LIMK2: variants seen among roughly 807,000 people sequenced by gnomAD.
LIMK2 encodes LIM domain kinase 2.
In LIMK2, 35 loss-of-function variants were observed where a neutral mutation model predicts 75.7. That is an observed-to-expected ratio of 0.46 (90% CI 0.35 to 0.61). The LOEUF is 0.61. Among genes scored for constraint, LIMK2 ranks in the 20% least tolerant of loss-of-function variants. The pLI is 0.00. For missense variants in LIMK2, 623 were observed against 831.0 expected (o/e 0.75, Z 3.08); for synonymous variants, 301 against 319.2 (o/e 0.94, Z 0.61).
chr22:31,249,327 G>A (rs1236679557), intron 2 of LIMK2, among the ~76,000 whole-genome samples: 2 of 152,196 alleles, frequency 1.3e-5, no homozygotes, highest in Admixed American at 6.5e-5. Flanking sequence ...GAATGTAGTT[G>A]CTGGGGAAAG....
chr22:31,217,720 A>C (rs928645611), intron 1 of LIMK2, among the ~76,000 whole-genome samples: 5 of 152,148 alleles, frequency 3.3e-5, no homozygotes, highest in Admixed American at 2.0e-4. Flanking sequence ...GAAAATGCCT[A>C]CTCATTCACA....
At chr22:31,224,549 A>G (rs529702116) in intron 1 of LIMK2, among the ~76,000 whole-genome samples, 1 of 152,342 alleles carries the variant, frequency 6.6e-6, no homozygotes, top group Admixed American at 6.5e-5. Flanking sequence ...CCATTAAGTG[A>G]ATATAATAAT....
chr22:31,264,158 A>G (rs979056913), intron 7 of LIMK2, among the ~76,000 whole-genome samples: 1 of 152,168 alleles, frequency 6.6e-6, no homozygotes, highest in Non-Finnish European at 1.5e-5. Flanking sequence ...AGTGGGAGGC[A>G]GGGCAACAGA....
chr22:31,278,388 T>C lies in LIMK2; in HGVS notation c.1864T>C (p.Leu622=). 2 of 1,613,746 alleles carry C rather than the reference T, an allele frequency of 1.2e-6. No homozygotes were observed. The highest frequency in any genetic ancestry group is 1.7e-6 in the Non-Finnish European group (2 of 1,179,896). ...CCCGCTGCCTGCAGAGCTGGAGGAG[T>C]TGGACCACACTGTGAGCATGCAGTA... ...GIPLPAELEE[L]DHTVSMQYGL... The change falls in exon 16 of 16, where the codon TTG becomes CTG. Residue 622 remains leucine (L), a synonymous_variant. Transcript: ENST00000331728.
chr22:31,212,636 G>C (rs945705481), intron 1 of LIMK2, among the ~76,000 whole-genome samples: 4 of 152,184 alleles, frequency 2.6e-5, no homozygotes, highest in Admixed American at 6.5e-5. Context: ...GGGCATCCTG[G>C]AGACAGAGGG....
At chr22:31,246,572 A>G (rs1466096518) in intron 2 of LIMK2, among the ~76,000 whole-genome samples, 9 of 151,880 alleles carry the variant, frequency 5.9e-5, no homozygotes, top group African/African-American at 1.9e-4. Flanking sequence ...TGTGCTCTAG[A>G]GCCATATGTA....
chr22:31,271,235 G>A (rs767399512), intron 12 of LIMK2, 34 bp downstream of exon 12: 1 of 1,588,478 alleles, frequency 6.3e-7, no homozygotes, highest in South Asian at 1.1e-5. Context: ...GGCCTCCAGG[G>A]TCCTATCCTT....
intron 2 of LIMK2, chr22:31,248,520 G>A (rs919672509): frequency 3.6e-5 from 56 of 1,574,388 alleles, no homozygotes; most frequent in Non-Finnish European, 4.3e-5. Context: ...GCCCCTGTGG[G>A]AATCTGCTGG....
chr22:31,219,396 T>G (rs2048415046), intron 1 of LIMK2, among the ~76,000 whole-genome samples: 1 of 152,202 alleles, frequency 6.6e-6, no homozygotes, highest in East Asian at 1.9e-4. Context: ...ATGAGACATT[T>G]GTTGCAGTGC....
chr22:31,261,973 T>C (rs1163476306), intron 5 of LIMK2, among the ~76,000 whole-genome samples, 161 bp from the exon 6 acceptor site: 1 of 152,302 alleles, frequency 6.6e-6, no homozygotes, highest in East Asian at 1.9e-4. Flanking sequence ...TTCACTGAGA[T>C]GGGGCATCCT....
chr22:31,275,140 T>C lies in LIMK2; in HGVS notation c.1615-11T>C. ...TAGTCCTTTGTAAACAGCTGTCTTC[T>C]TACCCTACAGATCATTGGGCAGGTG... On this transcript the variant is annotated splice_polypyrimidine_tract_variant and intron_variant, in intron 14 of 15. Transcript: ENST00000331728. 6.2e-7 allele frequency: 1 copy of C among 1,614,002 alleles called. No individual in the cohort carries two copies. Among genetic ancestry groups the C allele is most frequent in the South Asian group, 1.1e-5 (1 of 91,076 alleles).
chr22:31,259,283 G>T, intron 4 of LIMK2, 53 bp downstream of exon 4: 1 of 1,152,324 alleles, frequency 8.7e-7, no homozygotes, highest in Non-Finnish European at 1.3e-6. Context: ...GGCTGGCGGG[G>T]AGGGACAGTG....
rs1478959131 is a variant in LIMK2, at chr22:31,212,350, A to G, written c.-59A>G. ...CAGGAGCTGAGGGGAGTTGTAGGGA[A>G]CTGAGGGGAGCTGCTGTGTCCCCCG... On this transcript the variant is annotated 5_prime_UTR_variant, in exon 1 of 16. Coordinates refer to ENST00000331728, the MANE Select transcript of LIMK2 (RefSeq NM_005569.4). 18 of 1,324,024 alleles carry G rather than the reference A, an allele frequency of 1.4e-5. No individual in the cohort carries two copies. The highest frequency in any genetic ancestry group is 8.4e-5 in the South Asian group (3 of 35,546). The allele number at this position is 1,324,024 out of a possible 1,614,324, so 82.0% of individuals were successfully genotyped here. A position where few individuals can be genotyped will look rare whatever the true frequency, so the allele number is the denominator to read the frequency against.
chr22:31,236,622 A>G (rs2048577445), intron 2 of LIMK2, among the ~76,000 whole-genome samples: 2 of 151,014 alleles, frequency 1.3e-5, no homozygotes, highest in African/African-American at 2.4e-5. Flanking sequence ...AAAAAAAAAA[A>G]AAAGAAACGA....
intron 2 of LIMK2, 140 bp downstream of exon 2, chr22:31,225,959 G>A: frequency 5.8e-6 from 4 of 694,792 alleles, no homozygotes; most frequent in Non-Finnish European, 9.9e-6. Context: ...CCAAGGAAGA[G>A]CTCATGACCA....
In LIMK2 at chr22:31,245,223, G is replaced by A. The variant is rs145620161; in HGVS notation, c.117-13068G>A. ...CACTATTAGAGGTAGTAAACAGAGT[G>A]GTTGAGCTCTGTGGTTCTAGAACAG... On this transcript the variant is annotated intron_variant, in intron 2 of 15. Transcript: ENST00000331728. Among the ~76,000 whole-genome samples, 175 of 152,330 alleles carry A rather than the reference G, an allele frequency of 1.1e-3. 1 individual carries two copies. The highest frequency in any genetic ancestry group is 6.8e-3 in the Middle Eastern group (2 of 294).
chr22:31,258,690 C>T, intron 3 of LIMK2: 1 of 464,182 alleles, frequency 2.2e-6, no homozygotes, highest in East Asian at 3.7e-5. Flanking sequence ...GGATAAGGAC[C>T]TCCAAGGAGA....
intron 1 of LIMK2, among the ~76,000 whole-genome samples, chr22:31,217,795 C>G (rs1290024555): frequency 1.3e-5 from 2 of 152,174 alleles, no homozygotes; most frequent in East Asian, 3.9e-4. Flanking sequence ...AACCATCTGT[C>G]TCATTTGTCA....
chr22:31,265,813 C>T, intron 7 of LIMK2, 133 bp from the exon 8 acceptor site: 1 of 676,364 alleles, frequency 1.5e-6, no homozygotes, highest in South Asian at 2.0e-5. Flanking sequence ...TGTAAGAGCC[C>T]CTGTTCCCCA....
Sources: allele counts gnomAD v4.1 joint callset (sites outside exome capture counted in the v4.1 genomes callset), GRCh38; gene constraint gnomAD v4.1.1; transcripts MANE v1.5; gene names NCBI Gene and HGNC (gene_info 2026-07-23, HGNC 2026-07-21).